SLC16A10: variants seen among roughly 807,000 people sequenced by gnomAD.
SLC16A10 encodes monocarboxylate transporter 10.
In SLC16A10, 27 loss-of-function variants were observed where a neutral mutation model predicts 40.0. That is an observed-to-expected ratio of 0.67 (90% confidence interval 0.50 to 0.93). SLC16A10 has a LOEUF of 0.93. SLC16A10 is among the 40% of genes least tolerant of loss of function. The pLI is 0.00. For synonymous variants in SLC16A10, 213 were observed against 249.8 expected, an observed-to-expected ratio of 0.85 and a Z score of 1.39; for missense variants, 529 against 658.2, an observed-to-expected ratio of 0.80 and a Z score of 2.15.
At chr6:111,103,237 G>A (rs1771221667) in intron 1 of SLC16A10, among the ~76,000 whole-genome samples, 1 of 151,924 alleles carries the variant, frequency 6.6e-6, no homozygotes, top group Non-Finnish European at 1.5e-5. Context: ...TTGTTTTTTA[G>A]ATGGAGTTTC....
At chr6:111,143,375 T>C (rs1020149488) in intron 1 of SLC16A10, among the ~76,000 whole-genome samples, 6 of 151,840 alleles carry the variant, frequency 4.0e-5, no homozygotes, top group African/African-American at 1.5e-4. Context: ...TATGCCTGAC[T>C]TTTTTTTAAA....
At chr6:111,180,790 G>C (rs1315347117) in intron 3 of SLC16A10, among the ~76,000 whole-genome samples, 1 of 151,602 alleles carries the variant, frequency 6.6e-6, no homozygotes, top group Non-Finnish European at 1.5e-5. Context: ...CTGGGTAACA[G>C]AGCAAGACTC....
intron 1 of SLC16A10, among the ~76,000 whole-genome samples, chr6:111,116,376 C>A (rs1039960443): frequency 1.4e-4 from 22 of 151,924 alleles, no homozygotes; most frequent in African/African-American, 3.9e-4. Context: ...CACCACCATG[C>A]CTGGCTAATT....
intron 1 of SLC16A10, among the ~76,000 whole-genome samples, chr6:111,104,264 G>A (rs1355417999): frequency 6.6e-6 from 1 of 152,134 alleles, no homozygotes; most frequent in East Asian, 1.9e-4. Context: ...GGGTTGCAGA[G>A]GCAAGAAATA....
At chr6:111,174,449 T>G (rs1772642371) in intron 2 of SLC16A10, among the ~76,000 whole-genome samples, 2 of 152,160 alleles carry the variant, frequency 1.3e-5, no homozygotes, top group African/African-American at 4.8e-5. Context: ...TTAGAAATTC[T>G]ATTTGGATTT....
At chr6:111,206,347 G>A (rs1773254830) in intron 3 of SLC16A10, among the ~76,000 whole-genome samples, 2 of 152,124 alleles carry the variant, frequency 1.3e-5, no homozygotes, top group Admixed American at 6.5e-5. Context: ...AAAATGCTGG[G>A]ATTACAGGCG....
chr6:111,139,866 A>G (rs369432259), intron 1 of SLC16A10, among the ~76,000 whole-genome samples: 3 of 152,328 alleles, frequency 2.0e-5, no homozygotes, highest in African/African-American at 7.2e-5. Flanking sequence ...GGTTGAACTA[A>G]CTTACACTCA....
chr6:111,161,258 T>C (rs559945991), intron 1 of SLC16A10, among the ~76,000 whole-genome samples: 1 of 116,324 alleles, frequency 8.6e-6, no homozygotes, highest in South Asian at 2.8e-4. Flanking sequence ...AAAGGGTAGG[T>C]ATGTGTAAAA....
intron 1 of SLC16A10, among the ~76,000 whole-genome samples, chr6:111,151,761 T>C (rs1490955814): frequency 2.6e-5 from 4 of 152,244 alleles, no homozygotes; most frequent in Non-Finnish European, 1.5e-5. Flanking sequence ...TAATTTTGCA[T>C]ATGCTATTCC....
chr6:111,089,633 AG>A (rs1273988309), intron 1 of SLC16A10, among the ~76,000 whole-genome samples: 2 of 152,214 alleles, frequency 1.3e-5, no homozygotes, highest in East Asian at 3.8e-4. Context: ...ATTTAAGGGA[AG>A]TAATCATTGT....
At chr6:111,160,238 G>A (rs1583335384) in intron 1 of SLC16A10, among the ~76,000 whole-genome samples, 1 of 152,054 alleles carries the variant, frequency 6.6e-6, no homozygotes, top group East Asian at 1.9e-4. Context: ...ATTTTCTCCG[G>A]TATTTTCTTC....
At chr6:111,167,426 A>G (rs1484912724) in intron 1 of SLC16A10, among the ~76,000 whole-genome samples, 1 of 152,180 alleles carries the variant, frequency 6.6e-6, no homozygotes, top group Admixed American at 6.5e-5. Flanking sequence ...AAAGTGGCCA[A>G]GTGGGTATGC....
intron 3 of SLC16A10, among the ~76,000 whole-genome samples, chr6:111,180,858 G>T (rs1772776771): frequency 6.6e-6 from 1 of 152,140 alleles, no homozygotes; most frequent in African/African-American, 2.4e-5. Flanking sequence ...CACAGAGATA[G>T]TGACTGATAA....
intron 3 of SLC16A10, chr6:111,193,358 G>A: frequency 1.0e-6 from 1 of 982,394 alleles, no homozygotes; most frequent in Non-Finnish European, 1.2e-6. Flanking sequence ...TCAGTTTTGT[G>A]CCTTAGGCAG....
At chr6:111,193,049 C>CA (rs1241083131) in intron 3 of SLC16A10, among the ~76,000 whole-genome samples, 1 of 152,082 alleles carries the variant, frequency 6.6e-6, no homozygotes, top group African/African-American at 2.4e-5. Flanking sequence ...GATGAAGTCT[C>CA]ACTATGTTGC....
chr6:111,157,176 C>T (rs961151514), intron 1 of SLC16A10, among the ~76,000 whole-genome samples: 6 of 152,140 alleles, frequency 3.9e-5, no homozygotes, highest in Non-Finnish European at 8.8e-5. Flanking sequence ...GCCTCGGCCT[C>T]CCAAAGTGCT....
intron 1 of SLC16A10, among the ~76,000 whole-genome samples, chr6:111,146,806 G>T (rs1025813915): frequency 2.0e-5 from 3 of 151,936 alleles, no homozygotes; most frequent in Non-Finnish European, 4.4e-5. Context: ...CAATAAACAT[G>T]CCCATCAGTA....
intron 4 of SLC16A10, among the ~76,000 whole-genome samples, chr6:111,218,089 TA>T (rs1046828499): frequency 6.6e-6 from 1 of 152,172 alleles, no homozygotes; most frequent in African/African-American, 2.4e-5. Context: ...AATTTATCTA[TA>T]ATCTCTGCCA....
At chr6:111,097,016 C>T (rs1771086550) in intron 1 of SLC16A10, among the ~76,000 whole-genome samples, 1 of 151,814 alleles carries the variant, frequency 6.6e-6, no homozygotes, top group Admixed American at 6.6e-5. Flanking sequence ...GGGGGAGGGT[C>T]TCTCTATATT....
Sources: gnomAD v4.1 joint callset for allele counts (sites outside exome capture counted in the v4.1 genomes callset) on GRCh38, gnomAD v4.1.1 for gene constraint, MANE v1.5 for transcripts, NCBI Gene and HGNC (gene_info 2026-07-23, HGNC 2026-07-21) for gene names.